The following PLXNC1 variants were observed in gnomAD, a reference collection of about 807,000 sequenced individuals.
PLXNC1 encodes plexin-C1.
PLXNC1 carries 75 observed loss-of-function variants against 178.2 expected under a neutral mutation model. That is an observed-to-expected ratio of 0.42 (90% CI 0.35 to 0.51). The LOEUF is 0.51. Ranked by LOEUF, PLXNC1 falls within the 20% of genes least tolerant of loss-of-function variation. The pLI is 0.02. For missense variants in PLXNC1, 1,503 were observed against 1,984.4 expected, an observed-to-expected ratio of 0.76 and a Z score of 4.61; for synonymous variants, 790 against 779.9, an observed-to-expected ratio of 1.01 and a Z score of -0.22.
chr12:94,304,566 A>G (rs1028051253), intron 30 of PLXNC1, among the ~76,000 whole-genome samples: 2 of 152,156 alleles, frequency 1.3e-5, no homozygotes, highest in Non-Finnish European at 2.9e-5. Context: ...TTTGTTTCCA[A>G]ACAAATGTTA....
intron 9 of PLXNC1, among the ~76,000 whole-genome samples, chr12:94,233,416 C>T (rs1291886149): frequency 6.6e-6 from 1 of 152,184 alleles, no homozygotes; most frequent in East Asian, 1.9e-4. Flanking sequence ...CAGTCCAGGT[C>T]TGGGGAGCCA....
chr12:94,171,037 T>C (rs1006610444), intron 2 of PLXNC1, among the ~76,000 whole-genome samples: 5 of 152,238 alleles, frequency 3.3e-5, no homozygotes, highest in African/African-American at 1.2e-4. Context: ...ACAAGAACAC[T>C]GTTTCCCCAA....
chr12:94,301,121 A>G (rs1968422279), intron 28 of PLXNC1, 64 bp downstream of exon 28: 1 of 1,451,616 alleles, frequency 6.9e-7, no homozygotes, highest in East Asian at 2.3e-5. Context: ...TGTCTTTCTG[A>G]TAAGCATTCA....
At chr12:94,162,814 G>A (rs1426164155) in intron 1 of PLXNC1, among the ~76,000 whole-genome samples, 1 of 152,188 alleles carries the variant, frequency 6.6e-6, no homozygotes, top group Non-Finnish European at 1.5e-5. Context: ...CCATTTGTCA[G>A]CACCTCTGAA....
At chr12:94,259,928 A>C (rs1334969213) in intron 19 of PLXNC1, among the ~76,000 whole-genome samples, 194 bp downstream of exon 19, 2 of 152,122 alleles carry the variant, frequency 1.3e-5, no homozygotes, top group African/African-American at 4.8e-5. Context: ...AGAGAAATCA[A>C]ACCTGAGTCC....
intron 5 of PLXNC1, among the ~76,000 whole-genome samples, chr12:94,214,775 A>G (rs7952910): frequency 0.31 from 47,316 of 152,196 alleles, 8,809 homozygotes; most frequent in South Asian, 0.47. Flanking sequence ...CTGCATTAAA[A>G]CCATTTTTAC....
chr12:94,227,310 G>A, intron 9 of PLXNC1, 75 bp downstream of exon 9: 1 of 827,098 alleles, frequency 1.2e-6, no homozygotes. Context: ...ATACTACTTT[G>A]GGTTCCTTAA....
intron 6 of PLXNC1, among the ~76,000 whole-genome samples, chr12:94,221,701 A>G (rs1963799958): frequency 6.6e-6 from 1 of 152,224 alleles, no homozygotes; most frequent in Non-Finnish European, 1.5e-5. Context: ...GGGGAGTCCA[A>G]GGTCAAGGCT....
At chr12:94,289,309 T>C (rs2136183069) in intron 23 of PLXNC1, among the ~76,000 whole-genome samples, 1 of 152,340 alleles carries the variant, frequency 6.6e-6, no homozygotes, top group African/African-American at 2.4e-5. Flanking sequence ...TCTCTGCCAC[T>C]TCTAACGTGG....
chr12:94,177,161 GTATATATATATATACGTATATATA>G (rs1962097089), intron 2 of PLXNC1, among the ~76,000 whole-genome samples: 9 of 91,254 alleles, frequency 9.9e-5, no homozygotes, highest in African/African-American at 5.2e-4. Flanking sequence ...ATATATATAT[GTATATATATATATACGTATATATA>G]TGTATATATA....
At chr12:94,220,924 T>C (rs2136019831) in intron 6 of PLXNC1, among the ~76,000 whole-genome samples, 1 of 152,258 alleles carries the variant, frequency 6.6e-6, no homozygotes, top group Non-Finnish European at 1.5e-5. Flanking sequence ...GAAGAGCTTC[T>C]ACATGGCCAA....
chr12:94,233,200 G>T (rs117249712), intron 9 of PLXNC1, among the ~76,000 whole-genome samples: 3 of 152,150 alleles, frequency 2.0e-5, no homozygotes, highest in Non-Finnish European at 4.4e-5. Context: ...ACCCAGACAC[G>T]GCTGGGCATC....
intron 1 of PLXNC1, among the ~76,000 whole-genome samples, chr12:94,167,072 A>G (rs2135937516): frequency 6.6e-6 from 1 of 152,264 alleles, no homozygotes; most frequent in East Asian, 1.9e-4. Context: ...ACAATTGTTG[A>G]GGACAGCCAG....
chr12:94,162,325 G>A (rs917667735), intron 1 of PLXNC1, among the ~76,000 whole-genome samples: 1 of 152,204 alleles, frequency 6.6e-6, no homozygotes, highest in African/African-American at 2.4e-5. Context: ...AATGTGTCCA[G>A]AGTCTGAAAG....
At chr12:94,255,147 ATTGT>A (rs1443490270) in intron 16 of PLXNC1, 42 bp from the exon 17 acceptor site, 1 of 1,390,208 alleles carries the variant, frequency 7.2e-7, no homozygotes, top group Non-Finnish European at 1.0e-6. Flanking sequence ...GATCCTATCC[ATTGT>A]TTGTTGAGTT....
chr12:94,190,853 T>A (rs911438653), intron 4 of PLXNC1, among the ~76,000 whole-genome samples: 1 of 152,230 alleles, frequency 6.6e-6, no homozygotes, highest in African/African-American at 2.4e-5. Context: ...GTTTCCTCAG[T>A]CTAGTACATT....
chr12:94,230,235 A>G (rs577772437), intron 9 of PLXNC1, among the ~76,000 whole-genome samples: 2 of 152,350 alleles, frequency 1.3e-5, no homozygotes, highest in East Asian at 3.9e-4. Context: ...TTAACTCAAC[A>G]TAATTCTCTG....
chr12:94,188,921 C>T (rs1298844351), intron 4 of PLXNC1, among the ~76,000 whole-genome samples: 1 of 152,146 alleles, frequency 6.6e-6, no homozygotes, highest in African/African-American at 2.4e-5. Context: ...TTTTCAGTGG[C>T]CTACGGCCAT....
intron 21 of PLXNC1, chr12:94,277,673 GAT>G (rs1468299116): frequency 3.1e-6 from 1 of 324,156 alleles, no homozygotes; most frequent in Non-Finnish European, 6.0e-6. Flanking sequence ...CTTATTCAGA[GAT>G]ACTGAGCATG....
Sources: allele counts gnomAD v4.1 joint callset (sites outside exome capture counted in the v4.1 genomes callset), GRCh38; gene constraint gnomAD v4.1.1; transcripts MANE v1.5; gene names NCBI Gene and HGNC (gene_info 2026-07-23, HGNC 2026-07-21).